The following RAB3IP variants were observed in gnomAD, a reference collection of about 807,000 sequenced individuals.
RAB3IP encodes the protein RAB3A interacting protein.
RAB3IP carries 36 observed loss-of-function variants against 59.1 expected under a neutral mutation model. The ratio of observed to expected loss-of-function variants is 0.61; its 90% CI spans 0.47 to 0.80. The LOEUF (loss-of-function observed/expected upper bound fraction) is 0.80, where lower values mean the gene tolerates loss of function less well. RAB3IP is among the 30% of genes least tolerant of loss of function. The pLI, the probability that RAB3IP is intolerant of heterozygous loss-of-function variation, is 0.00. For synonymous variants in RAB3IP, 207 were observed against 191.2 expected (o/e 1.08, Z -0.68); for missense variants, 511 against 536.0 (o/e 0.95, Z 0.46).
At chr12:69,773,054 C>T (rs1157683465) in intron 3 of RAB3IP, among the ~76,000 whole-genome samples, 1 of 152,040 alleles carries the variant, frequency 6.6e-6, no homozygotes, top group Non-Finnish European at 1.5e-5. Flanking sequence ...GATGGCTTTG[C>T]TGGGTACAGT....
chr12:69,757,036 A>G (rs1870344970), intron 3 of RAB3IP, among the ~76,000 whole-genome samples: 1 of 152,102 alleles, frequency 6.6e-6, no homozygotes, highest in Non-Finnish European at 1.5e-5. Context: ...AGTCTAAGTC[A>G]TTTTGTTTTG....
intron 1 of RAB3IP, among the ~76,000 whole-genome samples, chr12:69,751,535 G>A (rs1276400136): frequency 6.6e-6 from 1 of 152,062 alleles, no homozygotes. Flanking sequence ...AGGCCTCTAG[G>A]ATTTAAATTC....
intron 6 of RAB3IP, among the ~76,000 whole-genome samples, chr12:69,798,018 T>C (rs1346863692): frequency 6.6e-6 from 1 of 152,214 alleles, no homozygotes; most frequent in Non-Finnish European, 1.5e-5. Context: ...GCATGATTTA[T>C]AGTCCTTTGG....
intron 3 of RAB3IP, among the ~76,000 whole-genome samples, chr12:69,772,303 G>A (rs180695307): frequency 1.1e-3 from 163 of 152,174 alleles, no homozygotes; most frequent in African/African-American, 3.8e-3. Context: ...TCCTTACAGA[G>A]GATTTGAGTC....
intron 4 of RAB3IP, among the ~76,000 whole-genome samples, chr12:69,790,727 G>T (rs1473426926): frequency 6.6e-6 from 1 of 152,066 alleles, no homozygotes; most frequent in Non-Finnish European, 1.5e-5. Flanking sequence ...TGGGATTACA[G>T]GTGTGCACCA....
intron 3 of RAB3IP, among the ~76,000 whole-genome samples, chr12:69,769,004 T>G (rs141569588): frequency 6.6e-6 from 1 of 152,074 alleles, no homozygotes; most frequent in Non-Finnish European, 1.5e-5. Context: ...GTCAGGTCTT[T>G]CCTGGGCTGT....
intron 1 of RAB3IP, among the ~76,000 whole-genome samples, chr12:69,747,758 A>G (rs1447401172): frequency 6.6e-6 from 1 of 152,236 alleles, no homozygotes. Flanking sequence ...TTCTTCTAGT[A>G]GACAAGTACA....
chr12:69,808,389 T>C (rs951488828), intron 8 of RAB3IP, among the ~76,000 whole-genome samples: 7 of 152,348 alleles, frequency 4.6e-5, no homozygotes, highest in East Asian at 1.9e-4. Flanking sequence ...TGGAGAGTTC[T>C]GTAGATGTCT....
At chr12:69,753,120 A>G (rs1418715963) in intron 1 of RAB3IP, among the ~76,000 whole-genome samples, 2 of 152,350 alleles carry the variant, frequency 1.3e-5, no homozygotes, top group Non-Finnish European at 2.9e-5. Flanking sequence ...TGTAGATTTA[A>G]TTGTTGCACT....
chr12:69,807,578 C>T (rs1408300343), intron 8 of RAB3IP, among the ~76,000 whole-genome samples: 1 of 142,098 alleles, frequency 7.0e-6, no homozygotes, highest in African/African-American at 2.7e-5. Context: ...GACAGGGCGG[C>T]CGGACAGAGG....
intron 1 of RAB3IP, among the ~76,000 whole-genome samples, chr12:69,750,268 G>C (rs762355726): frequency 6.6e-6 from 1 of 152,094 alleles, no homozygotes. Flanking sequence ...GAATGACTTG[G>C]CTCCTTGGCT....
At chr12:69,768,923 C>G (rs1872661201) in intron 3 of RAB3IP, among the ~76,000 whole-genome samples, 1 of 152,000 alleles carries the variant, frequency 6.6e-6, no homozygotes, top group Non-Finnish European at 1.5e-5. Context: ...TGGCTGTGTC[C>G]CCACCCAAAT....
At position 69,782,581 on chromosome 12, in the gene RAB3IP, C is replaced by T. The variant is rs1248882832; in HGVS notation, c.511-2139C>T. Among the ~76,000 whole-genome samples, 3 of 152,250 alleles carry T rather than the reference C, an allele frequency of 2.0e-5. No homozygotes were observed. The East Asian group carries it at 5.8e-4, about 29-fold the overall frequency. ...GTGAAGTGTCTGTTTTGGTCATTTGCCCAGTTTTTAATTGGGTCGTTCTTT... is the reference window on the plus strand; with the variant it reads ...GTGAAGTGTCTGTTTTGGTCATTTGTCCAGTTTTTAATTGGGTCGTTCTTT... On this transcript the variant is annotated intron_variant, in intron 3 of 10. Transcript: ENST00000247833.
At chr12:69,780,381 C>A (rs557811253) in intron 3 of RAB3IP, among the ~76,000 whole-genome samples, 1 of 152,318 alleles carries the variant, frequency 6.6e-6, no homozygotes, top group African/African-American at 2.4e-5. Flanking sequence ...AGTTTACCAA[C>A]TGCAGGGAGA....
At chr12:69,799,261 G>A (rs1878003110) in intron 6 of RAB3IP, among the ~76,000 whole-genome samples, 1 of 152,168 alleles carries the variant, frequency 6.6e-6, no homozygotes, top group Admixed American at 6.5e-5. Context: ...GTCTGTAGCT[G>A]TAGTCAGTGC....
chr12:69,780,517 G>C (rs1227701053), intron 3 of RAB3IP, among the ~76,000 whole-genome samples: 2 of 152,170 alleles, frequency 1.3e-5, no homozygotes, highest in Non-Finnish European at 2.9e-5. Context: ...TTCCCTGACT[G>C]TAGTGAGAGA....
At chr12:69,812,664 A>G (rs1880614523) in intron 8 of RAB3IP, 114 bp from the exon 9 acceptor site, 1 of 687,600 alleles carries the variant, frequency 1.5e-6, no homozygotes, top group Non-Finnish European at 2.5e-6. Flanking sequence ...GGTGCCTGGT[A>G]CACAGTAGGT....
At chr12:69,813,062 T>A in intron 10 of RAB3IP, 29 bp downstream of exon 10, 1 of 1,543,098 alleles carries the variant, frequency 6.5e-7, no homozygotes, top group East Asian at 2.3e-5. Flanking sequence ...ATATAAGTCT[T>A]TACATAAAAG....
rs1286691095 is a variant in RAB3IP, at chr12:69,755,457, C to T, written c.49C>T (p.Pro17Ser). 1.2e-6 allele frequency: 2 copies of T among 1,613,948 alleles called. No homozygotes were observed. The highest frequency in any genetic ancestry group is 1.7e-6 in the Non-Finnish European group (2 of 1,179,964). ...CTTCCATGAAGTAAACCTTGCTTCA[C>T]CTACTTCTCCGGACCTTCTTGGTGT... ...EGFHEVNLASPTSPDLLGVYE... is the reference protein window; with the variant it reads ...EGFHEVNLASSTSPDLLGVYE... Residue 17 changes from proline to serine, a missense_variant, in exon 2 of 11, where the codon CCT becomes TCT. Pro to Ser is a moderately conservative substitution (Grantham distance 74). Coordinates refer to ENST00000247833, the MANE Select transcript of RAB3IP (RefSeq NM_022456.5).
Sources: gnomAD v4.1 joint callset for allele counts (sites outside exome capture counted in the v4.1 genomes callset) on GRCh38, gnomAD v4.1.1 for gene constraint, MANE v1.5 for transcripts, NCBI Gene and HGNC (gene_info 2026-07-23, HGNC 2026-07-21) for gene names.